The following RHBDD1 variants were observed in gnomAD, a reference collection of about 807,000 sequenced individuals.
The protein encoded by RHBDD1 is rhomboid domain containing 1.
Under a neutral mutation model 36.3 loss-of-function variants are expected in RHBDD1, and 38 were observed. The observed-to-expected ratio is 1.05, with a 90% confidence interval of 0.81 to 1.37. The LOEUF (loss-of-function observed/expected upper bound fraction) is 1.37, where lower values mean the gene tolerates loss of function less well. RHBDD1 is among the 40% of genes most tolerant of loss of function. The pLI is 0.00. For synonymous variants in RHBDD1, 151 were observed against 136.5 expected (o/e 1.11, Z -0.74); for missense variants, 393 against 377.6 (o/e 1.04, Z -0.34).
intron 8 of RHBDD1, among the ~76,000 whole-genome samples, chr2:226,929,143 C>G (rs1014762487): frequency 6.6e-6 from 1 of 152,036 alleles, no homozygotes; most frequent in African/African-American, 2.4e-5. Context: ...GTCCCTAATT[C>G]ATTCTATGAA....
At chr2:226,951,589 G>A (rs750411243) in intron 8 of RHBDD1, among the ~76,000 whole-genome samples, 29 of 152,246 alleles carry the variant, frequency 1.9e-4, no homozygotes, top group African/African-American at 6.7e-4. Context: ...ATATTTTCAG[G>A]GTCTTCAGTA....
At chr2:226,912,042 C>T (rs1343683487) in intron 7 of RHBDD1, among the ~76,000 whole-genome samples, 2 of 152,086 alleles carry the variant, frequency 1.3e-5, no homozygotes, top group Non-Finnish European at 2.9e-5. Context: ...TTTTCACAAT[C>T]ACTGAGAATG....
chr2:226,926,503 G>A (rs1246236198), intron 8 of RHBDD1, among the ~76,000 whole-genome samples: 2 of 152,172 alleles, frequency 1.3e-5, no homozygotes, highest in South Asian at 4.2e-4. Flanking sequence ...TTATTTCTTT[G>A]TGGTGTATTT....
At chr2:226,865,304 T>A (rs1436365465) in intron 4 of RHBDD1, among the ~76,000 whole-genome samples, 178 bp downstream of exon 4, 1 of 152,246 alleles carries the variant, frequency 6.6e-6, no homozygotes, top group Admixed American at 6.5e-5. Context: ...TTCTACATTA[T>A]GCTGCATTAT....
chr2:226,873,880 A>G (rs1200316224), intron 5 of RHBDD1, among the ~76,000 whole-genome samples: 2 of 152,134 alleles, frequency 1.3e-5, no homozygotes, highest in African/African-American at 2.4e-5. Context: ...ACACTGCTAT[A>G]AAGAATATCT....
chr2:226,861,274 C>T (rs2125187554), intron 3 of RHBDD1, among the ~76,000 whole-genome samples: 1 of 152,204 alleles, frequency 6.6e-6, no homozygotes, highest in Non-Finnish European at 1.5e-5. Flanking sequence ...AAGTGAACAG[C>T]AGAGAAACGG....
intron 8 of RHBDD1, among the ~76,000 whole-genome samples, chr2:226,935,879 T>C (rs890308090): frequency 6.6e-6 from 1 of 152,174 alleles, no homozygotes; most frequent in Non-Finnish European, 1.5e-5. Flanking sequence ...CCTTATTCAG[T>C]TGCGTGATTA....
intron 8 of RHBDD1, among the ~76,000 whole-genome samples, chr2:226,922,806 C>T (rs1328838957): frequency 2.0e-5 from 3 of 151,958 alleles, no homozygotes; most frequent in Admixed American, 6.6e-5. Flanking sequence ...TTTCTGATTA[C>T]CATGAGGCTT....
chr2:226,927,074 A>G (rs1292003158), intron 8 of RHBDD1, among the ~76,000 whole-genome samples: 1 of 152,110 alleles, frequency 6.6e-6, no homozygotes, highest in Non-Finnish European at 1.5e-5. Context: ...ATCACTCCAG[A>G]AAATTACCCA....
At chr2:226,923,741 C>A (rs1243986963) in intron 8 of RHBDD1, among the ~76,000 whole-genome samples, 1 of 152,000 alleles carries the variant, frequency 6.6e-6, no homozygotes, top group Non-Finnish European at 1.5e-5. Flanking sequence ...TTCAAATAGC[C>A]TGTCTTCAGG....
chr2:226,830,345 T>C, the RHBDD1 span, among the ~76,000 whole-genome samples: 163 of 152,324 alleles, frequency 1.1e-3, 1 homozygote, highest in African/African-American at 3.4e-3. Context: ...CTGCCCATGA[T>C]GCTTTGTCAA....
intron 8 of RHBDD1, among the ~76,000 whole-genome samples, chr2:226,941,746 CAT>C (rs1950680793): frequency 6.6e-6 from 1 of 152,068 alleles, no homozygotes; most frequent in East Asian, 1.9e-4. Context: ...TTTCACCAAA[CAT>C]AGAAAAGCCA....
At chr2:226,921,333 G>A (rs150520336) in intron 8 of RHBDD1, among the ~76,000 whole-genome samples, 115 of 151,278 alleles carry the variant, frequency 7.6e-4, no homozygotes, top group African/African-American at 2.6e-3. Context: ...TGTTTTTTTC[G>A]TTTCATTTAG....
At chr2:226,806,539 T>C in the RHBDD1 span, among the ~76,000 whole-genome samples, 1 of 152,234 alleles carries the variant, frequency 6.6e-6, no homozygotes, top group Admixed American at 6.5e-5. Context: ...GTTTGGTCAA[T>C]AGTTTTTCTG....
At chr2:226,816,815 G>A in the RHBDD1 span, among the ~76,000 whole-genome samples, 2 of 152,154 alleles carry the variant, frequency 1.3e-5, no homozygotes, top group South Asian at 2.1e-4. Flanking sequence ...AGAATCATTC[G>A]AGTCCAGGAG....
At chr2:226,972,643 A>G (rs950992185) in intron 8 of RHBDD1, among the ~76,000 whole-genome samples, 2 of 152,202 alleles carry the variant, frequency 1.3e-5, no homozygotes, top group African/African-American at 2.4e-5. Flanking sequence ...CCCTCCATCT[A>G]TGAAATTTTT....
At chr2:226,812,163 G>A in the RHBDD1 span, among the ~76,000 whole-genome samples, 1 of 152,226 alleles carries the variant, frequency 6.6e-6, no homozygotes, top group African/African-American at 2.4e-5. Flanking sequence ...GGAATTCTAG[G>A]CTAGGAGTAC....
upstream of RHBDD1, among the ~76,000 whole-genome samples, chr2:226,831,279 T>C (rs1559172114): frequency 6.6e-6 from 1 of 152,206 alleles, no homozygotes; most frequent in Non-Finnish European, 1.5e-5. Context: ...TTGTGGAAAG[T>C]ATTAAATTTC....
chr2:226,851,949 C>T (rs1450125578), intron 3 of RHBDD1, among the ~76,000 whole-genome samples: 1 of 152,086 alleles, frequency 6.6e-6, no homozygotes, highest in Non-Finnish European at 1.5e-5. Flanking sequence ...CTTGTTTTAC[C>T]TTTTAGTTCT....
Sources: allele counts gnomAD v4.1 joint callset (sites outside exome capture counted in the v4.1 genomes callset), GRCh38; gene constraint gnomAD v4.1.1; transcripts MANE v1.5; gene names NCBI Gene and HGNC (gene_info 2026-07-23, HGNC 2026-07-21).